CHD8: variants seen among roughly 807,000 people sequenced by gnomAD.
CHD8 encodes chromodomain helicase DNA binding protein 8.
Under a neutral mutation model 279.2 loss-of-function variants are expected in CHD8, and 31 were observed. That is an observed-to-expected ratio of 0.11 (90% CI 0.08 to 0.15). The LOEUF is 0.15. CHD8 is among the 10% of genes least tolerant of loss of function. The pLI, the probability that CHD8 is intolerant of heterozygous loss-of-function variation, is 1.00. For missense variants in CHD8, 2,146 were observed against 3,230.5 expected (o/e 0.66, Z 8.14); for synonymous variants, 1,081 against 1,139.6 (o/e 0.95, Z 1.04).
At chr14:21,387,424 G>C (rs1344628992) in intron 37 of CHD8, among the ~76,000 whole-genome samples, 1 of 152,036 alleles carries the variant, frequency 6.6e-6, no homozygotes, top group African/African-American at 2.4e-5. Context: ...CCTGAGGTTG[G>C]GAGTTCGAGA....
chr14:21,443,259 C>T (rs1031269675), intron 1 of CHD8, among the ~76,000 whole-genome samples: 4 of 151,462 alleles, frequency 2.6e-5, no homozygotes, highest in East Asian at 2.0e-4. Flanking sequence ...GGTGTGGTGG[C>T]GGGCACCTAT....
intron 1 of CHD8, 122 bp downstream of exon 1, chr14:21,455,910 G>A (rs1372970520): frequency 1.3e-5 from 2 of 153,758 alleles, no homozygotes; most frequent in Non-Finnish European, 2.9e-5. Flanking sequence ...CCTCACAACT[G>A]GGGGGCGAGC....
intron 20 of CHD8, chr14:21,401,725 C>T: frequency 1.7e-6 from 1 of 581,778 alleles, no homozygotes; most frequent in Non-Finnish European, 3.0e-6. Context: ...GCTGGGACGA[C>T]AGGCGCAAGC....
At chr14:21,432,074 C>T (rs1218556398) in intron 1 of CHD8, among the ~76,000 whole-genome samples, 1 of 152,174 alleles carries the variant, frequency 6.6e-6, no homozygotes, top group Non-Finnish European at 1.5e-5. Flanking sequence ...TCCTCTTGGG[C>T]ACTTACACCT....
intron 27 of CHD8, chr14:21,397,591 T>G (rs150760027): frequency 2.2e-6 from 1 of 462,680 alleles, no homozygotes; most frequent in Non-Finnish European, 4.0e-6. Flanking sequence ...CCAAACCAAA[T>G]AGAACATCAA....
rs549320836 is a variant in CHD8 at position 21,406,038 on chromosome 14, G to A, written c.2908-174C>T. Among the ~76,000 whole-genome samples the A allele has an allele frequency of 6.6e-5, 10 of 151,998 alleles. 1 individual carries two copies. In the South Asian group the frequency reaches 2.1e-3, roughly 32 times the overall value. ...TTTTCTTCCATTTGTCCCCTCTTTC[G>A]ATAAACACAAAGCATTCAAGAAATC... On this transcript the variant is annotated intron_variant, in intron 14 of 37. Coordinates refer to ENST00000646647, the MANE Select transcript of CHD8 (RefSeq NM_001170629.2).
intron 1 of CHD8, chr14:21,436,918 G>C (rs776219665): frequency 7.8e-7 from 1 of 1,287,138 alleles, no homozygotes; most frequent in Non-Finnish European, 1.0e-6. Context: ...TACTGCCGGG[G>C]TTGGTGCCAG....
chr14:21,407,070 A>G, intron 13 of CHD8, 38 bp from the exon 14 acceptor site: 1 of 1,491,216 alleles, frequency 6.7e-7, no homozygotes, highest in Admixed American at 2.3e-5. Context: ...AAAACCAAAA[A>G]TGTACCTAAA....
At position 21,403,224 on chromosome 14, in the gene CHD8, T is replaced by C. The variant is rs748585964; in HGVS notation, c.3519-12A>G. ...GTTCATATAAGTACCTGTATGGGAA[T>C]CGCAGAAAAAAAATGTAAGTGGCTA... On this transcript the variant is annotated splice_polypyrimidine_tract_variant and intron_variant, in intron 17 of 37. Transcript: ENST00000646647. The surrounding 1 kb of genome is among the most constrained non-coding windows in gnomAD (Gnocchi z 4.3). 1.7e-5 allele frequency: 28 copies of C among 1,608,908 alleles called. No homozygotes were observed. In the Admixed American group the frequency reaches 2.9e-4, roughly 17 times the overall value.
At chr14:21,447,666 C>T (rs1594394935) in intron 1 of CHD8, among the ~76,000 whole-genome samples, 1 of 152,222 alleles carries the variant, frequency 6.6e-6, no homozygotes, top group African/African-American at 2.4e-5. Context: ...GCCACTGCGC[C>T]CGGCCGGATG....
chr14:21,399,872 T>C (rs1040992446), intron 25 of CHD8, 109 bp downstream of exon 25: 4 of 1,068,594 alleles, frequency 3.7e-6, no homozygotes, highest in African/African-American at 3.1e-5. Context: ...ACCTGATATA[T>C]AGATTTAAAT....
chr14:21,409,565 CT>C (rs1888391889), intron 11 of CHD8, among the ~76,000 whole-genome samples: 2 of 152,218 alleles, frequency 1.3e-5, no homozygotes, highest in South Asian at 4.1e-4. Flanking sequence ...GGTATTATTT[CT>C]TTTAGGCAAA....
Position 21,393,510 on chromosome 14 carries a change from A to G in CHD8, c.6285T>C (p.Thr2095=). 6.3e-7 allele frequency: 1 copy of G among 1,588,540 alleles called. No individual in the cohort carries two copies. Among genetic ancestry groups the G allele is most frequent in the Non-Finnish European group, 8.6e-7 (1 of 1,166,748 alleles). Residue 2095 remains threonine, a synonymous_variant, in exon 32 of 38, where the codon ACT becomes ACC. Transcript: ENST00000646647. ...SSSSSSSSSS[T]DESEDEKEEK... ...CTTCCTTCTCATCCTCACTCTCATC[A>G]GTGCTGGAGCTGGAGCTGGATGAGG...
At chr14:21,391,710 G>T in intron 35 of CHD8, 68 bp from the exon 36 acceptor site, 1 of 1,517,156 alleles carries the variant, frequency 6.6e-7, no homozygotes, top group Non-Finnish European at 9.0e-7. Context: ...GGGGGAGCAG[G>T]GCCAATGGTA....
chr14:21,440,471 T>G (rs890412261), intron 1 of CHD8, among the ~76,000 whole-genome samples: 1 of 152,192 alleles, frequency 6.6e-6, no homozygotes, highest in African/African-American at 2.4e-5. Flanking sequence ...CCTCCCAAAG[T>G]GCTGAGATTA....
At chr14:21,435,428 C>CTT (rs1889742297) in intron 1 of CHD8, among the ~76,000 whole-genome samples, 1 of 152,212 alleles carries the variant, frequency 6.6e-6, no homozygotes, top group Non-Finnish European at 1.5e-5. Flanking sequence ...TCTTCTGCAG[C>CTT]TTTACCACCT....
chr14:21,452,559 A>C (rs1890281936), intron 1 of CHD8, among the ~76,000 whole-genome samples: 2 of 151,914 alleles, frequency 1.3e-5, no homozygotes, highest in Admixed American at 1.3e-4. Flanking sequence ...CAGGAGAATC[A>C]CTTGAACCCA....
chr14:21,392,026 G>T, intron 34 of CHD8, 80 bp from the exon 35 acceptor site: 1 of 1,008,048 alleles, frequency 9.9e-7, no homozygotes, highest in Non-Finnish European at 1.6e-6. Context: ...AGGGATGTGG[G>T]CTATAGGTCA....
chr14:21,415,545 AAAT>A (rs1555316450), intron 7 of CHD8, 26 bp downstream of exon 7: 22 of 1,117,336 alleles, frequency 2.0e-5, no homozygotes, highest in African/African-American at 4.0e-5. Flanking sequence ...AAATAAATAA[AAAT>A]AATAATAATA....
Sources: gnomAD v4.1 joint callset for allele counts (sites outside exome capture counted in the v4.1 genomes callset) on GRCh38, gnomAD v4.1.1 for gene constraint, Gnocchi (gnomAD v3.1) non-coding constraint, MANE v1.5 for transcripts, NCBI Gene and HGNC (gene_info 2026-07-23, HGNC 2026-07-21) for gene names.